Variants in AGBL1 observed in about 807,000 individuals in gnomAD.
AGBL1 encodes the protein AGBL carboxypeptidase 1, also known as cytosolic carboxypeptidase 4.
In AGBL1, 130 loss-of-function variants were observed where a neutral mutation model predicts 118.9. That is an observed-to-expected ratio of 1.09 (90% CI 0.95 to 1.26). AGBL1 has a LOEUF of 1.26. Ranked by LOEUF, AGBL1 falls within the 50% of genes most tolerant of loss-of-function variation. The pLI is 0.00. For missense variants in AGBL1, 1,584 were observed against 1,298.1 expected (o/e 1.22, Z -3.38); for synonymous variants, 555 against 478.9 (o/e 1.16, Z -2.08).
chr15:86,396,070 A>AT (rs948360785), intron 17 of AGBL1, among the ~76,000 whole-genome samples: 7 of 150,286 alleles, frequency 4.7e-5, no homozygotes, highest in Non-Finnish European at 8.9e-5. Flanking sequence ...ACAGAATTCC[A>AT]TTTTTTTATG....
intron 5 of AGBL1, among the ~76,000 whole-genome samples, chr15:86,191,927 CCAAAAAACA>C (rs1377264798): frequency 2.0e-5 from 3 of 148,458 alleles, no homozygotes; most frequent in East Asian, 1.9e-4. Flanking sequence ...ACAAAAAAAA[CCAAAAAACA>C]CAAAAAACAC....
intron 22 of AGBL1, among the ~76,000 whole-genome samples, chr15:86,788,375 G>T (rs987619047): frequency 2.0e-4 from 30 of 152,196 alleles, no homozygotes; most frequent in African/African-American, 6.8e-4. Context: ...AGATGACACA[G>T]AACTTGACCT....
chr15:86,570,166 G>GTA (rs1426159379), intron 21 of AGBL1, among the ~76,000 whole-genome samples: 1 of 152,168 alleles, frequency 6.6e-6, no homozygotes, highest in Non-Finnish European at 1.5e-5. Flanking sequence ...TTGTCATGGG[G>GTA]TATTCTCTCT....
chr15:86,722,181 G>A (rs1047542130), intron 22 of AGBL1, among the ~76,000 whole-genome samples: 7 of 152,172 alleles, frequency 4.6e-5, no homozygotes, highest in Non-Finnish European at 8.8e-5. Flanking sequence ...GGAACCAAAA[G>A]AGAGCCCGCA....
At chr15:86,772,593 G>C (rs1449496422) in intron 22 of AGBL1, among the ~76,000 whole-genome samples, 1 of 152,046 alleles carries the variant, frequency 6.6e-6, no homozygotes, top group East Asian at 1.9e-4. Context: ...AGTGAGCAGA[G>C]AAGAGGGCCT....
intron 18 of AGBL1, among the ~76,000 whole-genome samples, chr15:86,436,290 G>C (rs531091978): frequency 1.8e-3 from 271 of 151,736 alleles, no homozygotes; most frequent in African/African-American, 6.2e-3. Flanking sequence ...AGAGTCAGGT[G>C]GGGGAGAAAG....
At chr15:86,974,565 TTA>T (rs929362615) in intron 23 of AGBL1, among the ~76,000 whole-genome samples, 7 of 134,646 alleles carry the variant, frequency 5.2e-5, no homozygotes, top group African/African-American at 2.0e-4. Context: ...ATAATATAAA[TTA>T]TATATATTAA....
chr15:86,603,037 G>T (rs1051574939), intron 21 of AGBL1, among the ~76,000 whole-genome samples: 11 of 152,294 alleles, frequency 7.2e-5, no homozygotes, highest in African/African-American at 2.6e-4. Flanking sequence ...TTCAATTACA[G>T]TTCAGAAGAA....
At chr15:86,285,319 G>T (rs917601535) in intron 16 of AGBL1, among the ~76,000 whole-genome samples, 1 of 152,022 alleles carries the variant, frequency 6.6e-6, no homozygotes, top group African/African-American at 2.4e-5. Flanking sequence ...ATGAAAAATT[G>T]CAGTTTACAG....
At chr15:86,299,446 G>C (rs2079711735) in intron 17 of AGBL1, among the ~76,000 whole-genome samples, 1 of 152,128 alleles carries the variant, frequency 6.6e-6, no homozygotes, top group East Asian at 1.9e-4. Context: ...GTAGGATTTG[G>C]GATGTCAAAG....
intron 17 of AGBL1, among the ~76,000 whole-genome samples, chr15:86,324,244 A>G (rs1374867833): frequency 1.3e-5 from 2 of 152,230 alleles, no homozygotes; most frequent in African/African-American, 4.8e-5. Flanking sequence ...TGTAAGCACT[A>G]TGATAGAAGC....
chr15:86,258,166 AT>A (rs1434859493), intron 9 of AGBL1, 135 bp downstream of exon 9: 1 of 807,656 alleles, frequency 1.2e-6, no homozygotes. Flanking sequence ...AGTGGTCGTG[AT>A]GCGCAGTAAA....
intron 22 of AGBL1, among the ~76,000 whole-genome samples, chr15:86,745,167 A>G (rs1387427380): frequency 6.6e-6 from 1 of 152,174 alleles, no homozygotes; most frequent in Non-Finnish European, 1.5e-5. Flanking sequence ...ACATCCTGGC[A>G]TATTAAGAAT....
intron 24 of AGBL1, among the ~76,000 whole-genome samples, chr15:87,010,455 C>T (rs2081547127): frequency 6.6e-6 from 1 of 152,184 alleles, no homozygotes; most frequent in African/African-American, 2.4e-5. Flanking sequence ...CACCACCCAA[C>T]ATGGATGAGT....
chr15:86,082,598 T>G (rs1203079739), intron 1 of AGBL1, among the ~76,000 whole-genome samples: 1 of 152,254 alleles, frequency 6.6e-6, no homozygotes. Flanking sequence ...TATCACCATT[T>G]CTGACTCTTT....
intron 18 of AGBL1, among the ~76,000 whole-genome samples, chr15:86,510,198 T>C (rs1432469167): frequency 6.6e-6 from 1 of 152,160 alleles, no homozygotes; most frequent in Non-Finnish European, 1.5e-5. Context: ...CAGGATTTTA[T>C]TATACATCCA....
intron 22 of AGBL1, among the ~76,000 whole-genome samples, chr15:86,776,113 A>C (rs995414761): frequency 6.6e-6 from 1 of 152,138 alleles, no homozygotes; most frequent in Non-Finnish European, 1.5e-5. Context: ...TTCACTCAAC[A>C]TGTTGCGCTT....
chr15:86,743,415 A>G (rs1366136727), intron 22 of AGBL1, among the ~76,000 whole-genome samples: 1 of 152,038 alleles, frequency 6.6e-6, no homozygotes. Context: ...TTTCATCCTT[A>G]CAGCTTCTCA....
chr15:86,637,791 GTT>G (rs2085121768), intron 21 of AGBL1, among the ~76,000 whole-genome samples: 1 of 152,152 alleles, frequency 6.6e-6, no homozygotes, highest in Non-Finnish European at 1.5e-5. Flanking sequence ...ACACCAGACT[GTT>G]TGCTTTTATA....
Sources: gnomAD v4.1 joint callset for allele counts (sites outside exome capture counted in the v4.1 genomes callset) on GRCh38, gnomAD v4.1.1 for gene constraint, MANE v1.5 for transcripts, NCBI Gene and HGNC (gene_info 2026-07-23, HGNC 2026-07-21) for gene names.